Variants in LRP1B observed in about 807,000 individuals in gnomAD.
LRP1B encodes the protein LDL receptor related protein 1B, also known as low-density lipoprotein receptor-related protein 1B.
Under a neutral mutation model 556.6 loss-of-function variants are expected in LRP1B, and 217 were observed. The observed-to-expected ratio is 0.39, with a 90% CI of 0.35 to 0.44. The LOEUF (loss-of-function observed/expected upper bound fraction) is 0.44, where lower values mean the gene tolerates loss of function less well. LRP1B is among the 20% of genes least tolerant of loss of function. The probability of loss-of-function intolerance (pLI) is 1.00; values close to 1 mark genes in which losing one functional copy is unlikely to be tolerated. For missense variants in LRP1B, 5,053 were observed against 5,620.8 expected (o/e 0.90, Z 3.23); for synonymous variants, 2,047 against 1,865.8 (o/e 1.10, Z -2.50).
At chr2:141,512,238 T>G (rs567173633) in intron 2 of LRP1B, among the ~76,000 whole-genome samples, 1 of 152,262 alleles carries the variant, frequency 6.6e-6, no homozygotes, top group African/African-American at 2.4e-5. Context: ...AAGTACTTCA[T>G]ACAACAGTTC....
intron 52 of LRP1B, among the ~76,000 whole-genome samples, chr2:140,508,990 T>C (rs1050222970): frequency 2.6e-5 from 4 of 152,056 alleles, no homozygotes; most frequent in African/African-American, 7.2e-5. Context: ...GTATGAGTTC[T>C]GTGCAAATAG....
At chr2:141,481,676 A>G (rs957373249) in intron 2 of LRP1B, among the ~76,000 whole-genome samples, 11 of 152,214 alleles carry the variant, frequency 7.2e-5, no homozygotes, top group Admixed American at 1.3e-4. Flanking sequence ...TTCAACATGC[A>G]TTAGTTACAT....
intron 1 of LRP1B, among the ~76,000 whole-genome samples, chr2:141,976,649 C>A (rs976703642): frequency 3.3e-5 from 5 of 151,984 alleles, no homozygotes; most frequent in Non-Finnish European, 5.9e-5. Context: ...CACCATTTAC[C>A]ACTACCTCCT....
rs193119757 is a variant in LRP1B at position 141,450,741 on chromosome 2, A to G, written c.343+29655T>C. ...CATTTATTTGAATTGATTTTGTGGG[A>G]GGCAGTGTGGAATCTTAAGTGGGTC... On this transcript the variant is annotated intron_variant, in intron 3 of 90. Coordinates refer to ENST00000389484, the MANE Select transcript of LRP1B (RefSeq NM_018557.3). Among the ~76,000 whole-genome samples, 268 of 152,176 alleles carry G rather than the reference A, an allele frequency of 1.8e-3. 1 individual carries two copies. Among genetic ancestry groups the G allele is most frequent in the African/African-American group, 6.2e-3 (258 of 41,536 alleles).
At chr2:141,763,844 CA>C (rs1694642711) in intron 2 of LRP1B, among the ~76,000 whole-genome samples, 1 of 151,796 alleles carries the variant, frequency 6.6e-6, no homozygotes. Context: ...TACATTTAGG[CA>C]AAATGATTTC....
chr2:140,903,008 T>C lies in LRP1B; in HGVS notation c.3678A>G (p.Gln1226=). The change falls in exon 23 of 91, where the codon CAA becomes CAG. Residue 1226 remains glutamine (Q), a synonymous_variant. Coordinates refer to ENST00000389484, the MANE Select transcript of LRP1B (RefSeq NM_018557.3). ...CTGTGTGCTTGTGCTGCTCACATAC[T>C]TGGCTGCACTTTAGATGATTGCTAC... ...DYCSNHLKCS[Q]VCEQHKHTVK... is the part of the protein sequence containing the mutation. The C allele has an allele frequency of 6.2e-7, 1 of 1,613,792 alleles. No individual in the cohort carries two copies. Among genetic ancestry groups the C allele is most frequent in the Non-Finnish European group, 8.5e-7 (1 of 1,179,778 alleles).
At chr2:141,948,879 T>G (rs1424908060) in intron 1 of LRP1B, among the ~76,000 whole-genome samples, 1 of 152,092 alleles carries the variant, frequency 6.6e-6, no homozygotes, top group Non-Finnish European at 1.5e-5. Context: ...ACAGAATTTT[T>G]ATACTACACA....
intron 2 of LRP1B, among the ~76,000 whole-genome samples, chr2:141,734,463 A>C (rs1693391775): frequency 6.6e-6 from 1 of 152,000 alleles, no homozygotes; most frequent in African/African-American, 2.4e-5. Flanking sequence ...AGATAGAGAG[A>C]GAGAGTGAGA....
chr2:141,342,063 T>C (rs1269639767), intron 3 of LRP1B, among the ~76,000 whole-genome samples: 1 of 151,456 alleles, frequency 6.6e-6, no homozygotes, highest in East Asian at 2.0e-4. Flanking sequence ...GCTAACACAA[T>C]GAAACCCCGT....
chr2:141,096,619 GGGGAGAGGGGGA>G lies in LRP1B; in HGVS notation c.1014-34358_1014-34347del, dbSNP rs1443961225. Among the ~76,000 whole-genome samples the G allele has an allele frequency of 4.7e-4, 16 of 34,012 alleles. No homozygotes were observed. The South Asian group carries it at 6.0e-3, about 13-fold the overall frequency. 22.3% of individuals were successfully genotyped at this position (34,012 alleles called of 152,430 possible). On this transcript the variant is annotated intron_variant, in intron 7 of 90. Transcript: ENST00000389484. ...GCACCCTAGCCTGAATGACAAAGAC[GGGGAGAGGGGGA>G]GAGAGAGAGAGAGAGAGAGAGAGAG...
At position 140,883,867 on chromosome 2, in the gene LRP1B, T is replaced by C. The variant is rs2105186869; in HGVS notation, c.4119A>G (p.Ile1373Met). ...CCCTGGGGTGTTCCATGGCTCCTGC[T>C]ATTAGTGTAGTTCTTAGGGAGCCAT... ...KLDGSLRTTL[I>M]AGAMEHPRAI... Residue 1373 changes from isoleucine to methionine, a missense_variant, in exon 25 of 91, where the codon ATA (isoleucine) becomes ATG (methionine). Physicochemically the swap from Ile to Met is conservative, Grantham distance 10. Coordinates refer to ENST00000389484, the MANE Select transcript of LRP1B (RefSeq NM_018557.3). 1.2e-6 allele frequency: 2 copies of C among 1,613,988 alleles called. No individual in the cohort carries two copies. The highest frequency in any genetic ancestry group is 2.7e-5 in the African/African-American group (2 of 75,030).
At chr2:141,588,727 G>A (rs575650449) in intron 2 of LRP1B, among the ~76,000 whole-genome samples, 88 of 152,096 alleles carry the variant, frequency 5.8e-4, no homozygotes, top group African/African-American at 2.0e-3. Context: ...TCTACATTAC[G>A]GATATGAAAT....
chr2:140,793,213 A>G (rs1192181760), intron 32 of LRP1B, among the ~76,000 whole-genome samples: 1 of 151,874 alleles, frequency 6.6e-6, no homozygotes, highest in Non-Finnish European at 1.5e-5. Context: ...AAATGTTGGT[A>G]TTTTGCCATT....
At chr2:140,471,709 G>A (rs1687776845) in intron 60 of LRP1B, among the ~76,000 whole-genome samples, 1 of 152,038 alleles carries the variant, frequency 6.6e-6, no homozygotes, top group Admixed American at 6.6e-5. Context: ...ACATGCTGTT[G>A]TCAAATCTAA....
At chr2:142,050,514 C>T (rs1248302702) in intron 1 of LRP1B, among the ~76,000 whole-genome samples, 1 of 152,128 alleles carries the variant, frequency 6.6e-6, no homozygotes, top group East Asian at 1.9e-4. Context: ...AATATCAAGA[C>T]ATCACATATC....
intron 46 of LRP1B, among the ~76,000 whole-genome samples, chr2:140,535,308 C>A (rs1401466834): frequency 6.6e-6 from 1 of 152,070 alleles, no homozygotes; most frequent in Non-Finnish European, 1.5e-5. Flanking sequence ...TATTGCAATA[C>A]AATTTATATG....
intron 3 of LRP1B, among the ~76,000 whole-genome samples, chr2:141,305,177 A>C (rs558673473): frequency 6.6e-6 from 1 of 152,278 alleles, no homozygotes; most frequent in East Asian, 1.9e-4. Context: ...CTTTGGGTAG[A>C]ATGGTCATTT....
chr2:140,766,863 T>TATTATATATATATATATAA (rs1689138744), intron 35 of LRP1B, among the ~76,000 whole-genome samples: 1 of 60,420 alleles, frequency 1.7e-5, no homozygotes, highest in Admixed American at 1.6e-4. Context: ...TATATATATA[T>TATTATATATATATATATAA]ATAATATATA....
chr2:140,783,614 C>A (rs1176466373), intron 32 of LRP1B, among the ~76,000 whole-genome samples: 1 of 151,968 alleles, frequency 6.6e-6, no homozygotes, highest in Non-Finnish European at 1.5e-5. Context: ...TCTAGACCTG[C>A]AATAGGAGGA....
Sources: gnomAD v4.1 joint callset for allele counts (sites outside exome capture counted in the v4.1 genomes callset) on GRCh38, gnomAD v4.1.1 for gene constraint, MANE v1.5 for transcripts, NCBI Gene and HGNC (gene_info 2026-07-23, HGNC 2026-07-21) for gene names.